REEP1: variants seen among roughly 807,000 people sequenced by gnomAD.
The protein encoded by REEP1 is receptor expression-enhancing protein 1.
In REEP1, 22 loss-of-function variants were observed where a neutral mutation model predicts 40.3. That is an observed-to-expected ratio of 0.55 (90% CI 0.39 to 0.78). REEP1 has a LOEUF of 0.78. REEP1 is among the 30% of genes least tolerant of loss of function. The pLI is 0.00. For missense variants in REEP1, 280 were observed against 361.1 expected, an observed-to-expected ratio of 0.78 and a Z score of 1.82; for synonymous variants, 116 against 139.2, an observed-to-expected ratio of 0.83 and a Z score of 1.17.
intron 5 of REEP1, chr2:86,240,136 G>C (rs1675594594): frequency 6.6e-6 from 1 of 152,586 alleles, no homozygotes; most frequent in South Asian, 2.1e-4. Flanking sequence ...GTTGAAGGGA[G>C]CCATGTCCTC....
chr2:86,223,325 A>C (rs950485717), intron 7 of REEP1, among the ~76,000 whole-genome samples: 4 of 152,186 alleles, frequency 2.6e-5, no homozygotes, highest in Non-Finnish European at 5.9e-5. Flanking sequence ...TCAGCCCTTT[A>C]AAGGCCTGTG....
intron 1 of REEP1, among the ~76,000 whole-genome samples, chr2:86,313,416 C>T (rs1679856270): frequency 6.6e-6 from 1 of 150,716 alleles, no homozygotes. Flanking sequence ...TTGTTTCCTT[C>T]TCCTCTCCCA....
intron 6 of REEP1, among the ~76,000 whole-genome samples, chr2:86,229,350 A>G (rs59409236): frequency 0.073 from 11,042 of 152,214 alleles, 603 homozygotes; most frequent in African/African-American, 0.15. Context: ...GGCATCACCC[A>G]GCCAGGATGA....
chr2:86,266,615 G>A (rs1677150762), intron 2 of REEP1, among the ~76,000 whole-genome samples: 1 of 150,866 alleles, frequency 6.6e-6, no homozygotes, highest in South Asian at 2.1e-4. Context: ...GACAGAGCGA[G>A]ACTCCATCTC....
chr2:86,283,406 A>G (rs1025410726), intron 1 of REEP1, among the ~76,000 whole-genome samples: 1 of 152,170 alleles, frequency 6.6e-6, no homozygotes, highest in African/African-American at 2.4e-5. Context: ...GTACTATATG[A>G]GCTGACATCT....
intron 1 of REEP1, among the ~76,000 whole-genome samples, chr2:86,336,315 T>G (rs1046016655): frequency 5.3e-5 from 8 of 152,126 alleles, no homozygotes; most frequent in Admixed American, 4.6e-4. Flanking sequence ...AGGAAAGCCC[T>G]GAATGGTGGC....
chr2:86,281,886 GT>G (rs1678114079), intron 2 of REEP1, among the ~76,000 whole-genome samples: 1 of 152,174 alleles, frequency 6.6e-6, no homozygotes, highest in African/African-American at 2.4e-5. Context: ...GCTGAGAGAG[GT>G]GAAGTCACCT....
Position 86,254,171 on chromosome 2 carries a change from A to T in REEP1, c.303+523T>A, listed in dbSNP as rs74545196. 3.2e-3 allele frequency among the ~76,000 whole-genome samples: 491 copies of T among 152,324 alleles called. 12 individuals are homozygous for T. In the East Asian group the frequency reaches 0.062, roughly 19 times the overall value. On this transcript the variant is annotated intron_variant, in intron 4 of 8. Coordinates refer to ENST00000538924, the MANE Select transcript of REEP1 (RefSeq NM_001371279.1). ...ATTTAAGTTTTTAAATCATTTTTTT[A>T]AAAAAATTCTACATAAAATTTTAAT...
chr2:86,335,188 G>A (rs1680953381), intron 1 of REEP1, among the ~76,000 whole-genome samples: 1 of 152,186 alleles, frequency 6.6e-6, no homozygotes, highest in African/African-American at 2.4e-5. Context: ...TCTCTGTGTG[G>A]TGGAAATGTG....
At chr2:86,307,619 G>A (rs1039990113) in intron 1 of REEP1, among the ~76,000 whole-genome samples, 1 of 152,042 alleles carries the variant, frequency 6.6e-6, no homozygotes, top group African/African-American at 2.4e-5. Context: ...AAATCAGCTG[G>A]GCGTGGTGGC....
chr2:86,329,320 G>C (rs1680656007), intron 1 of REEP1, among the ~76,000 whole-genome samples: 1 of 152,154 alleles, frequency 6.6e-6, no homozygotes, highest in Admixed American at 6.5e-5. Context: ...TTCTCATTTA[G>C]GGCCGCAGTT....
intron 1 of REEP1, among the ~76,000 whole-genome samples, chr2:86,300,310 T>A (rs1679200778): frequency 6.6e-6 from 1 of 152,156 alleles, no homozygotes; most frequent in South Asian, 2.1e-4. Context: ...CGCTGAGAAC[T>A]GTGCCTCTCA....
chr2:86,241,936 C>T (rs1047092613), intron 5 of REEP1, among the ~76,000 whole-genome samples: 3 of 152,128 alleles, frequency 2.0e-5, no homozygotes, highest in African/African-American at 7.2e-5. Flanking sequence ...AGACACAGCA[C>T]ATGCGAGGTG....
At chr2:86,310,005 C>T (rs567832611) in intron 1 of REEP1, among the ~76,000 whole-genome samples, 6 of 152,164 alleles carry the variant, frequency 3.9e-5, no homozygotes, top group African/African-American at 7.2e-5. Context: ...ACAAGGCTGC[C>T]GGGGGCCTAC....
chr2:86,332,286 G>C (rs1186702973), intron 1 of REEP1, among the ~76,000 whole-genome samples: 1 of 152,034 alleles, frequency 6.6e-6, no homozygotes, highest in African/African-American at 2.4e-5. Flanking sequence ...CTTTTCGGGG[G>C]TTGGAAAAAC....
chr2:86,231,422 G>T (rs1675009642), intron 6 of REEP1, among the ~76,000 whole-genome samples: 1 of 152,188 alleles, frequency 6.6e-6, no homozygotes, highest in Non-Finnish European at 1.5e-5. Flanking sequence ...AATGGACGGA[G>T]CCCTGAGCTG....
chr2:86,316,180 C>G (rs79149103), intron 1 of REEP1, among the ~76,000 whole-genome samples: 4,450 of 152,214 alleles, frequency 0.029, 102 homozygotes, highest in Non-Finnish European at 0.038. Context: ...TGTGAGCCAG[C>G]CTCAGTTGTA....
In REEP1 at chr2:86,220,084, T is replaced by C; in HGVS notation, c.669A>G (p.Ala223=). Residue 223 remains alanine, a synonymous_variant, in exon 8 of 9, where the codon GCA becomes GCG. Transcript: ENST00000538924. ...EGDVNEGGMK[A]WEPHQVQNPL... is the part of the protein sequence containing the mutation. Reference sequence around the variant, plus strand: ...GGTTTTGGACCTGGTGGGGCTCCCATGCCTTCATACCACCCTCATTCACAT... The same window carrying C: ...GGTTTTGGACCTGGTGGGGCTCCCACGCCTTCATACCACCCTCATTCACAT... 1 of 1,232,198 alleles carries C rather than the reference T, an allele frequency of 8.1e-7. No homozygotes were observed. The highest frequency in any genetic ancestry group is 3.1e-4 in the Middle Eastern group (1 of 3,208). 76.3% of individuals were successfully genotyped at this position (1,232,198 alleles called of 1,614,324 possible). A position where few individuals can be genotyped will look rare whatever the true frequency, so the allele number is the denominator to read the frequency against.
upstream of REEP1, among the ~76,000 whole-genome samples, chr2:86,337,842 C>T (rs1007428865): frequency 3.9e-5 from 6 of 152,054 alleles, no homozygotes; most frequent in Admixed American, 3.3e-4. This position sits in a 1 kb window ranked among gnomAD's most constrained non-coding sequence, Gnocchi z 5.8. Flanking sequence ...GCACCGGCCC[C>T]GCCAAAGGAA....
Sources: allele counts gnomAD v4.1 joint callset (sites outside exome capture counted in the v4.1 genomes callset), GRCh38; gene constraint gnomAD v4.1.1; non-coding constraint Gnocchi (gnomAD v3.1); transcripts MANE v1.5; gene names NCBI Gene and HGNC (gene_info 2026-07-23, HGNC 2026-07-21).